MAGEA4: variants seen among roughly 807,000 people sequenced by gnomAD.
MAGEA4 encodes the protein melanoma-associated antigen 4.
Under a neutral mutation model 13.7 loss-of-function variants are expected in MAGEA4, and 1 was observed. That is an observed-to-expected ratio of 0.07 (90% CI 0.03 to 0.35). The LOEUF (loss-of-function observed/expected upper bound fraction) is 0.35, where lower values mean the gene tolerates loss of function less well. Ranked by LOEUF, MAGEA4 falls within the 10% of genes least tolerant of loss-of-function variation. The pLI is 0.99. For synonymous variants in MAGEA4, 132 were observed against 101.1 expected (o/e 1.31, Z -1.83); for missense variants, 312 against 245.1 (o/e 1.27, Z -1.82).
chrX:151,923,632 G>A lies in MAGEA4; in HGVS notation c.-33G>A. The A allele has an allele frequency of 8.3e-7, 1 of 1,211,114 alleles. No individual in the cohort carries two copies. Among genetic ancestry groups the A allele is most frequent in the African/African-American group, 1.7e-5 (1 of 57,834 alleles). ...GGTCCCCATTGCCCAGCTTTTGCCT[G>A]CACTCTTGCCTGCTGCCCTGACCAG... On this transcript the variant is annotated 5_prime_UTR_variant, in exon 3 of 3. Transcript: ENST00000276344.
In MAGEA4 at chrX:151,924,715, G is replaced by C; in HGVS notation, c.*97G>C. On this transcript the variant is annotated 3_prime_UTR_variant, in exon 3 of 3. Coordinates refer to ENST00000276344, the MANE Select transcript of MAGEA4 (RefSeq NM_001011548.1). The stretch of plus-strand genomic sequence containing the variant: ...GCTTCCCTTGCCTCGTGTAACATGA[G>C]GCCCATTCTTCACTCTGTTTGAAGA... The C allele has an allele frequency of 1.1e-6, 1 of 914,632 alleles. No homozygotes were observed. Among genetic ancestry groups the C allele is most frequent in the South Asian group, 3.2e-5 (1 of 31,029 alleles). 75.4% of individuals were successfully genotyped at this position (914,632 alleles called of 1,213,427 possible). A position where few individuals can be genotyped will look rare whatever the true frequency, so the allele number is the denominator to read the frequency against.
At chrX:151,918,955 G>C (rs1205567892) in intron 1 of MAGEA4, 1 of 748,806 alleles carries the variant, frequency 1.3e-6, no homozygotes, top group Non-Finnish European at 1.6e-6. Flanking sequence ...TGCGCATTCG[G>C]GGTTAGAGAG....
chrX:151,914,143 C>A (rs1192001364), intron 1 of MAGEA4: 3 of 17,263 alleles, frequency 1.7e-4, no homozygotes, highest in South Asian at 2.5e-3. Flanking sequence ...TCTTTCAACC[C>A]AAGAAAGCCC....
chrX:151,923,797 C>A lies in MAGEA4; in HGVS notation c.133C>A (p.Pro45Thr). 8.3e-7 allele frequency: 1 copy of A among 1,208,941 alleles called. No individual in the cohort carries two copies. The highest frequency in any genetic ancestry group is 1.8e-5 in the South Asian group (1 of 56,426). Residue 45 changes from proline (P) to threonine (T), a missense_variant, in exon 3 of 3, where the codon CCT (proline) becomes ACT (threonine). By Grantham distance (38) the Pro-to-Thr change is conservative. Transcript: ENST00000276344. ...GGAGGCTGCTGTCTCCTCCTCCTCT[C>A]CTCTGGTCCCTGGCACCCTGGAGGA... The part of the protein sequence containing the change: ...EQEAAVSSSS[P>T]LVPGTLEEVP...
chrX:151,924,854 C>T lies in MAGEA4; in HGVS notation c.*236C>T, dbSNP rs191084574. On this transcript the variant is annotated 3_prime_UTR_variant, in exon 3 of 3. Transcript: ENST00000276344. ...TCCTTTTAATGGATGGTTGAATTAA[C>T]TTCAGCATCCAAGTTTATGAATCGT... The T allele has an allele frequency of 1.1e-5, 4 of 349,155 alleles. No homozygotes were observed. The highest frequency in any genetic ancestry group is 1.5e-5 in the Non-Finnish European group (3 of 198,496). The allele number at this position is 349,155 out of a possible 1,213,427, so 28.8% of individuals were successfully genotyped here.
rs1007806019 is a variant in MAGEA4, at chrX:151,919,843, C to T, written c.-137-3610C>T. The stretch of plus-strand genomic sequence containing the variant: ...TGGGGGGACTTCTGAGTCTGGGGCG[C>T]CCACCACCCCACTGCCTCTGAAGTC... On this transcript the variant is annotated intron_variant, in intron 1 of 2. Transcript: ENST00000276344. 2.0e-5 allele frequency: 11 copies of T among 547,983 alleles called. 1 individual carries two copies. In the South Asian group the frequency reaches 9.5e-4, roughly 47 times the overall value. The allele number at this position is 547,983 out of a possible 1,213,427, so 45.2% of individuals were successfully genotyped here. A position where few individuals can be genotyped will look rare whatever the true frequency, so the allele number is the denominator to read the frequency against.
chrX:151,920,351 G>A (rs369953884), intron 1 of MAGEA4, among the ~76,000 whole-genome samples: 2 of 109,206 alleles, frequency 1.8e-5, no homozygotes, highest in African/African-American at 6.7e-5. Context: ...CAAATAATCC[G>A]GCACCCCTCC....
chrX:151,924,854 C>G lies in MAGEA4; in HGVS notation c.*236C>G, dbSNP rs191084574. On this transcript the variant is annotated 3_prime_UTR_variant, in exon 3 of 3. Coordinates refer to ENST00000276344, the MANE Select transcript of MAGEA4 (RefSeq NM_001011548.1). The stretch of plus-strand genomic sequence containing the variant: ...TCCTTTTAATGGATGGTTGAATTAA[C>G]TTCAGCATCCAAGTTTATGAATCGT... 1.7e-3 allele frequency: 604 copies of G among 349,208 alleles called. 7 individuals are homozygous for G. In the Admixed American group the frequency reaches 0.028, roughly 16 times the overall value. 28.8% of individuals were successfully genotyped at this position (349,208 alleles called of 1,213,427 possible).
At chrX:151,920,213 C>T (rs943335430) in intron 1 of MAGEA4, among the ~76,000 whole-genome samples, 4 of 109,313 alleles carry the variant, frequency 3.7e-5, no homozygotes, top group Admixed American at 9.7e-5. Flanking sequence ...GTTAGAGAGA[C>T]GCTAGCTTCT....
intron 1 of MAGEA4, among the ~76,000 whole-genome samples, chrX:151,921,232 A>G (rs1265490490): frequency 9.0e-6 from 1 of 111,707 alleles, no homozygotes; most frequent in Non-Finnish European, 1.9e-5. Flanking sequence ...ATCCAGGGAA[A>G]CCCCAGGCTT....
chrX:151,912,763 C>A (rs1321819152), upstream of MAGEA4: 1 of 152,265 alleles, frequency 6.6e-6, no homozygotes, highest in Non-Finnish European at 1.2e-5. Flanking sequence ...CCACCCCACA[C>A]CTGCACCCCC....
At chrX:151,917,964 C>T (rs1309234192) in intron 1 of MAGEA4, among the ~76,000 whole-genome samples, 1 of 80,265 alleles carries the variant, frequency 1.2e-5, no homozygotes, top group Non-Finnish European at 2.4e-5. Flanking sequence ...CGTCCCCTTT[C>T]CCATTACCAT....
At chrX:151,920,531 T>A (rs1245524552) in intron 1 of MAGEA4, among the ~76,000 whole-genome samples, 2 of 107,271 alleles carry the variant, frequency 1.9e-5, no homozygotes, top group Non-Finnish European at 3.9e-5. Context: ...AGGAGAGGGC[T>A]GAGTGTCCCC....
Position 151,923,650 on chromosome X carries a change from C to T in MAGEA4, c.-15C>T. On this transcript the variant is annotated 5_prime_UTR_variant, in exon 3 of 3. Transcript: ENST00000276344. ...TTTGCCTGCACTCTTGCCTGCTGCC[C>T]TGACCAGAGTCATCATGTCTTCTGA... 8.3e-7 allele frequency: 1 copy of T among 1,211,186 alleles called. No individual in the cohort carries two copies. The highest frequency in any genetic ancestry group is 1.1e-6 in the Non-Finnish European group (1 of 895,405).
At chrX:151,920,584 C>G (rs1933382640) in intron 1 of MAGEA4, among the ~76,000 whole-genome samples, 1 of 97,753 alleles carries the variant, frequency 1.0e-5, no homozygotes. Flanking sequence ...TCTGCACTCC[C>G]TACCCCATCT....
chrX:151,920,648 C>T, intron 1 of MAGEA4, among the ~76,000 whole-genome samples: 1 of 94,474 alleles, frequency 1.1e-5, no homozygotes, highest in Admixed American at 1.1e-4. Context: ...CAACCAGCCT[C>T]ATACCCCCCT....
At chrX:151,920,222 C>T (rs893665996) in intron 1 of MAGEA4, among the ~76,000 whole-genome samples, 87 of 110,539 alleles carry the variant, frequency 7.9e-4, no homozygotes, top group Admixed American at 7.4e-3. Flanking sequence ...ACGCTAGCTT[C>T]TCAGTCTGAC....
intron 1 of MAGEA4, among the ~76,000 whole-genome samples, chrX:151,918,006 C>A (rs1421001933): frequency 1.1e-4 from 8 of 74,426 alleles, no homozygotes; most frequent in African/African-American, 4.2e-4. Context: ...CGCCCCCATC[C>A]CCCACCAGCA....
At chrX:151,922,581 C>A (rs1302216690) in intron 1 of MAGEA4, among the ~76,000 whole-genome samples, 1 of 111,567 alleles carries the variant, frequency 9.0e-6, no homozygotes, top group African/African-American at 3.3e-5. Flanking sequence ...ACCACAGGGA[C>A]CCCCATCTGG....
Sources: allele counts gnomAD v4.1 joint callset (sites outside exome capture counted in the v4.1 genomes callset), GRCh38; gene constraint gnomAD v4.1.1; transcripts MANE v1.5; gene names NCBI Gene and HGNC (gene_info 2026-07-23, HGNC 2026-07-21).